ITGBL1: variants seen among roughly 807,000 people sequenced by gnomAD.
The protein encoded by ITGBL1 is integrin subunit beta like 1.
In ITGBL1, 51 loss-of-function variants were observed where a neutral mutation model predicts 68.5. The ratio of observed to expected loss-of-function variants is 0.74; its 90% CI spans 0.59 to 0.94. The LOEUF is 0.94. Among genes scored for constraint, ITGBL1 ranks in the 40% least tolerant of loss-of-function variants. The pLI is 0.00. For synonymous variants in ITGBL1, 209 were observed against 227.3 expected, an observed-to-expected ratio of 0.92 and a Z score of 0.72; for missense variants, 649 against 647.4, an observed-to-expected ratio of 1.00 and a Z score of -0.03.
At chr13:101,571,406 T>A (rs949518837) in intron 3 of ITGBL1, among the ~76,000 whole-genome samples, 4 of 152,140 alleles carry the variant, frequency 2.6e-5, no homozygotes, top group African/African-American at 9.7e-5. Context: ...TATTTTCTTC[T>A]CTTTTAGTGT....
chr13:101,677,030 A>G (rs990473165), intron 7 of ITGBL1, among the ~76,000 whole-genome samples: 11 of 152,102 alleles, frequency 7.2e-5, no homozygotes, highest in Non-Finnish European at 1.0e-4. Context: ...ATGCTGAGGC[A>G]CGAGAATTGC....
chr13:101,585,351 G>T (rs1384637740), intron 6 of ITGBL1, among the ~76,000 whole-genome samples: 1 of 152,188 alleles, frequency 6.6e-6, no homozygotes, highest in African/African-American at 2.4e-5. Context: ...CAGGGTCAGG[G>T]TTAAACCAAG....
chr13:101,606,112 C>CTATATA (rs71125009), intron 7 of ITGBL1, among the ~76,000 whole-genome samples: 1 of 125,328 alleles, frequency 8.0e-6, no homozygotes, highest in Non-Finnish European at 1.6e-5. Flanking sequence ...CTCTCTCTCT[C>CTATATA]TATATATATA....
chr13:101,506,026 A>G (rs959375456), intron 2 of ITGBL1, among the ~76,000 whole-genome samples: 1 of 152,210 alleles, frequency 6.6e-6, no homozygotes, highest in Non-Finnish European at 1.5e-5. Flanking sequence ...AAAGAGATCT[A>G]TTAGCAAGAG....
intron 7 of ITGBL1, among the ~76,000 whole-genome samples, chr13:101,618,697 G>GT (rs752500217): frequency 7.2e-5 from 11 of 152,196 alleles, no homozygotes; most frequent in Admixed American, 1.3e-4. Context: ...CAACACACAC[G>GT]TTTCTGCTTT....
intron 7 of ITGBL1, among the ~76,000 whole-genome samples, chr13:101,655,570 T>G: frequency 6.6e-6 from 1 of 152,050 alleles, no homozygotes; most frequent in East Asian, 1.9e-4. Context: ...CTCCTATGCT[T>G]TCTATTATTT....
chr13:101,471,660 G>T (rs570481258), intron 2 of ITGBL1, among the ~76,000 whole-genome samples: 10 of 152,262 alleles, frequency 6.6e-5, no homozygotes, highest in Non-Finnish European at 1.3e-4. Flanking sequence ...GCATTCTGCT[G>T]CACGTTATTT....
intron 2 of ITGBL1, among the ~76,000 whole-genome samples, chr13:101,470,430 A>C (rs901078783): frequency 2.6e-5 from 4 of 151,660 alleles, no homozygotes; most frequent in Admixed American, 6.6e-5. Flanking sequence ...CCTGGGTTCC[A>C]GTGATTCTCC....
At chr13:101,671,299 G>T (rs2033352934) in intron 7 of ITGBL1, among the ~76,000 whole-genome samples, 1 of 152,074 alleles carries the variant, frequency 6.6e-6, no homozygotes, top group Non-Finnish European at 1.5e-5. Context: ...TAACAAAGAT[G>T]ATGTTTTATG....
At chr13:101,634,208 T>C (rs1482187374) in intron 7 of ITGBL1, among the ~76,000 whole-genome samples, 1 of 152,176 alleles carries the variant, frequency 6.6e-6, no homozygotes, top group Non-Finnish European at 1.5e-5. Flanking sequence ...AAATTTCTAC[T>C]CTGCAAAACT....
chr13:101,685,388 A>G (rs886542165), intron 7 of ITGBL1, among the ~76,000 whole-genome samples: 10 of 152,058 alleles, frequency 6.6e-5, no homozygotes, highest in Non-Finnish European at 1.2e-4. Flanking sequence ...TAATTTTGTC[A>G]CAAGATACCT....
In ITGBL1 at chr13:101,479,396, G is replaced by A. The variant is rs550392837; in HGVS notation, c.316+25296G>A. ...AGGAAACTCTCTAGGACATCGGTCT[G>A]GGCAAAGATTTCTTGAGTAATACCC... On this transcript the variant is annotated intron_variant, in intron 2 of 10. Coordinates refer to ENST00000376180, the MANE Select transcript of ITGBL1 (RefSeq NM_004791.3). Among the ~76,000 whole-genome samples, 3 of 152,130 alleles carry A rather than the reference G, an allele frequency of 2.0e-5. 1 individual carries two copies. In the East Asian group the frequency reaches 5.8e-4, roughly 29 times the overall value.
At chr13:101,476,510 T>C (rs2048538752) in intron 2 of ITGBL1, among the ~76,000 whole-genome samples, 1 of 152,010 alleles carries the variant, frequency 6.6e-6, no homozygotes, top group African/African-American at 2.4e-5. Context: ...TGAATATAAA[T>C]GGACTAAACT....
chr13:101,700,684 A>G (rs2034116284), intron 8 of ITGBL1, among the ~76,000 whole-genome samples: 1 of 152,164 alleles, frequency 6.6e-6, no homozygotes, highest in Non-Finnish European at 1.5e-5. Context: ...ATATTTCTCC[A>G]CCTTCATTAT....
At chr13:101,611,568 A>G (rs1238548761) in intron 7 of ITGBL1, among the ~76,000 whole-genome samples, 1 of 152,150 alleles carries the variant, frequency 6.6e-6, no homozygotes, top group Non-Finnish European at 1.5e-5. Flanking sequence ...AAAATGGGAA[A>G]GGGTCACGTT....
chr13:101,698,176 T>C (rs1203188710), intron 8 of ITGBL1, among the ~76,000 whole-genome samples: 1 of 152,210 alleles, frequency 6.6e-6, no homozygotes, highest in Admixed American at 6.5e-5. Context: ...ATGGAGAATA[T>C]AAAACCTATA....
intron 2 of ITGBL1, among the ~76,000 whole-genome samples, chr13:101,507,822 T>C (rs2049050101): frequency 6.6e-6 from 1 of 152,328 alleles, no homozygotes; most frequent in African/African-American, 2.4e-5. Flanking sequence ...TGGAAATAAC[T>C]TCACATTTAT....
At chr13:101,619,609 G>C (rs1253206167) in intron 7 of ITGBL1, among the ~76,000 whole-genome samples, 1 of 152,142 alleles carries the variant, frequency 6.6e-6, no homozygotes, top group Non-Finnish European at 1.5e-5. Context: ...CAATAAATGT[G>C]TATTGTTTTT....
intron 2 of ITGBL1, among the ~76,000 whole-genome samples, chr13:101,495,620 AT>A (rs113649108): frequency 0.036 from 5,371 of 151,222 alleles, 325 homozygotes; most frequent in African/African-American, 0.12. Flanking sequence ...AGCAAAAGGG[AT>A]TTTTTTTAAG....
Sources: allele counts gnomAD v4.1 joint callset (sites outside exome capture counted in the v4.1 genomes callset), GRCh38; gene constraint gnomAD v4.1.1; transcripts MANE v1.5; gene names NCBI Gene and HGNC (gene_info 2026-07-23, HGNC 2026-07-21).